Variants in STK24 observed in about 807,000 individuals in gnomAD.
STK24 encodes serine/threonine kinase 24.
In STK24, 21 loss-of-function variants were observed where a neutral mutation model predicts 55.6. That is an observed-to-expected ratio of 0.38 (90% CI 0.27 to 0.54). The LOEUF is 0.54. Among genes scored for constraint, STK24 ranks in the 20% least tolerant of loss-of-function variants. The pLI, the probability that STK24 is intolerant of heterozygous loss-of-function variation, is 0.79. For synonymous variants in STK24, 200 were observed against 215.2 expected (o/e 0.93, Z 0.62); for missense variants, 383 against 538.4 (o/e 0.71, Z 2.86).
rs11840259 is a variant in STK24 at position 98,448,849 on chromosome 13, T to A, written c.*4324A>T. On this transcript the variant is annotated 3_prime_UTR_variant, in exon 11 of 11. Coordinates refer to ENST00000539966, the MANE Select transcript of STK24 (RefSeq NM_001032296.4). ...TACTTTTGTAATAATAGGAAGTTAGTAGGACTCACTTCTCTGATTAATAAG... is the reference window on the plus strand; with the variant it reads ...TACTTTTGTAATAATAGGAAGTTAGAAGGACTCACTTCTCTGATTAATAAG... The A allele has an allele frequency of 6.6e-6, 1 of 152,534 alleles. No individual in the cohort carries two copies. Among genetic ancestry groups the A allele is most frequent in the African/African-American group, 2.4e-5 (1 of 41,416 alleles). The allele number at this position is 152,534 out of a possible 1,614,324, so 9.4% of individuals were successfully genotyped here.
chr13:98,468,542 C>G (rs1020636702), intron 5 of STK24, among the ~76,000 whole-genome samples: 1 of 152,160 alleles, frequency 6.6e-6, no homozygotes, highest in African/African-American at 2.4e-5. Context: ...GAGGCAAGAA[C>G]AGAGGTGGCA....
Position 98,576,839 on chromosome 13 carries a change from GCGCGGGGCGGCGAGGCC to G in STK24, c.-70_-54del, listed in dbSNP as rs1471297693. 9.0e-7 allele frequency: 1 copy of G among 1,116,938 alleles called. No homozygotes were observed. Among genetic ancestry groups the G allele is most frequent in the Non-Finnish European group, 1.1e-6 (1 of 915,914 alleles). 69.2% of individuals were successfully genotyped at this position (1,116,938 alleles called of 1,614,324 possible). ...CGGGACGGCCGGGCCGCGACGATCCGCGCGGGGCGGCGAGGCCCGCGGGCCGCGCGCAGCCCTCGGGC... is the reference window on the plus strand; with the variant it reads ...CGGGACGGCCGGGCCGCGACGATCCGCGCGGGCCGCGCGCAGCCCTCGGGC... On this transcript the variant is annotated 5_prime_UTR_variant, in exon 1 of 11. Transcript: ENST00000539966.
At chr13:98,518,984 A>C (rs1205743565) in intron 2 of STK24, among the ~76,000 whole-genome samples, 1 of 152,260 alleles carries the variant, frequency 6.6e-6, no homozygotes, top group Non-Finnish European at 1.5e-5. Flanking sequence ...AACAGTTTTA[A>C]TGACAAAGTC....
At chr13:98,511,693 A>G (rs1243619768) in intron 2 of STK24, among the ~76,000 whole-genome samples, 3 of 152,180 alleles carry the variant, frequency 2.0e-5, no homozygotes, top group Non-Finnish European at 4.4e-5. Flanking sequence ...AACAAAAGCC[A>G]CTAACAACAG....
In STK24 at chr13:98,569,426, AC is replaced by A. The variant is rs1424604344; in HGVS notation, c.42+7318del. Among the ~76,000 whole-genome samples the A allele has an allele frequency of 9.8e-3, 1,159 of 118,432 alleles. 22 individuals are homozygous for A. Among genetic ancestry groups the A allele is most frequent in the African/African-American group, 0.036 (1,065 of 29,796 alleles). 77.7% of individuals were successfully genotyped at this position (118,432 alleles called of 152,430 possible). A position where few individuals can be genotyped will look rare whatever the true frequency, so the allele number is the denominator to read the frequency against. On this transcript the variant is annotated intron_variant, in intron 1 of 10. Transcript: ENST00000539966. ...TGACAGCAGAGACAAAAAAAAAAAA[AC>A]AAAAAAAAACAAAACAGATATTCAA... is the stretch of plus-strand genomic sequence containing the variant.
At chr13:98,509,837 A>T (rs1001195895) in intron 2 of STK24, among the ~76,000 whole-genome samples, 12 of 138,224 alleles carry the variant, frequency 8.7e-5, no homozygotes, top group African/African-American at 2.3e-4. Context: ...AGTTGTGCAC[A>T]CTCTCTCTGT....
chr13:98,480,288 T>C (rs1320586312), intron 3 of STK24, among the ~76,000 whole-genome samples: 4 of 152,234 alleles, frequency 2.6e-5, no homozygotes, highest in Admixed American at 2.6e-4. Context: ...ATGAACACGC[T>C]AAAGCATTCC....
At chr13:98,463,936 C>T (rs540555591) in intron 6 of STK24, 100 bp from the exon 7 acceptor site, 2 of 1,372,480 alleles carry the variant, frequency 1.5e-6, no homozygotes, top group Middle Eastern at 1.9e-4. Flanking sequence ...CACACTGACA[C>T]CTGATGGCTG....
chr13:98,563,371 CTCG>C (rs1471573195), intron 1 of STK24, among the ~76,000 whole-genome samples: 4 of 152,170 alleles, frequency 2.6e-5, no homozygotes, highest in African/African-American at 9.7e-5. Context: ...TTCACAGAAG[CTCG>C]TCTTTTCTTG....
intron 1 of STK24, among the ~76,000 whole-genome samples, chr13:98,575,383 C>G (rs1181227164): frequency 6.7e-6 from 1 of 149,400 alleles, no homozygotes; most frequent in East Asian, 2.0e-4. Flanking sequence ...CATATATACA[C>G]ACATATATAT....
chr13:98,476,046 CTA>C (rs1894360646), intron 3 of STK24, among the ~76,000 whole-genome samples: 1 of 151,672 alleles, frequency 6.6e-6, no homozygotes, highest in Admixed American at 6.6e-5. Context: ...ATAATAATAA[CTA>C]TTATATTATC....
intron 6 of STK24, among the ~76,000 whole-genome samples, chr13:98,465,365 A>C (rs1452572826): frequency 2.6e-5 from 4 of 152,184 alleles, no homozygotes; most frequent in Non-Finnish European, 5.9e-5. Context: ...TGTGGGGTGG[A>C]GCTCTGTGTG....
chr13:98,482,359 T>C (rs1894623691), intron 2 of STK24, 38 bp from the exon 3 acceptor site: 2 of 1,331,408 alleles, frequency 1.5e-6, no homozygotes, highest in Non-Finnish European at 1.0e-6. Flanking sequence ...ATTTTCAAAA[T>C]GAATCCAGGA....
intron 2 of STK24, among the ~76,000 whole-genome samples, chr13:98,491,767 G>C (rs1895046135): frequency 6.6e-6 from 1 of 150,556 alleles, no homozygotes; most frequent in African/African-American, 2.4e-5. Flanking sequence ...AAAGATACAT[G>C]CATAAATAAT....
chr13:98,482,330 CAA>C lies in STK24; in HGVS notation c.274-11_274-10del. ...ATCCATAATTTTGTATCCTATAAAA[CAA>C]AAAAAAGAAGAGAATCATTTTCAAA... On this transcript the variant is annotated splice_polypyrimidine_tract_variant and intron_variant, in intron 2 of 10. Coordinates refer to ENST00000539966, the MANE Select transcript of STK24 (RefSeq NM_001032296.4). 1 of 1,484,944 alleles carries C rather than the reference CAA, an allele frequency of 6.7e-7. No individual in the cohort carries two copies. The highest frequency in any genetic ancestry group is 9.1e-7 in the Non-Finnish European group (1 of 1,092,960). 92.0% of individuals were successfully genotyped at this position (1,484,944 alleles called of 1,614,324 possible).
chr13:98,478,158 GT>G (rs1894453902), intron 3 of STK24, among the ~76,000 whole-genome samples: 1 of 152,172 alleles, frequency 6.6e-6, no homozygotes, highest in Non-Finnish European at 1.5e-5. Flanking sequence ...TCAGCAGCTG[GT>G]GTTCGCCATT....
At chr13:98,507,875 A>C (rs1008894898) in intron 2 of STK24, among the ~76,000 whole-genome samples, 5 of 152,158 alleles carry the variant, frequency 3.3e-5, no homozygotes, top group African/African-American at 9.7e-5. Context: ...CACTTCCCAA[A>C]AGCCCATTGC....
chr13:98,492,076 CGTGTGT>C (rs56956881), intron 2 of STK24, among the ~76,000 whole-genome samples: 60,508 of 149,492 alleles, frequency 0.4, 13,489 homozygotes, highest in Non-Finnish European at 0.5. Context: ...AGTGCGTGCG[CGTGTGT>C]GTGTGTGTGT....
intron 2 of STK24, among the ~76,000 whole-genome samples, chr13:98,496,089 TC>T (rs1430180476): frequency 6.6e-6 from 1 of 152,130 alleles, no homozygotes; most frequent in African/African-American, 2.4e-5. Flanking sequence ...TGCCCTACAC[TC>T]ATGCGGGAGG....
Sources: gnomAD v4.1 joint callset for allele counts (sites outside exome capture counted in the v4.1 genomes callset) on GRCh38, gnomAD v4.1.1 for gene constraint, MANE v1.5 for transcripts, NCBI Gene and HGNC (gene_info 2026-07-23, HGNC 2026-07-21) for gene names.